The following ANKRD66 variants were observed in gnomAD, a reference collection of about 807,000 sequenced individuals.
The protein encoded by ANKRD66 is ankyrin repeat domain-containing protein 66.
ANKRD66 carries 10 observed loss-of-function variants against 10.9 expected under a neutral mutation model. That is an observed-to-expected ratio of 0.91 (90% confidence interval 0.56 to 1.55). The LOEUF (loss-of-function observed/expected upper bound fraction) is 1.55. ANKRD66 is among the 40% of genes most tolerant of loss of function. The pLI, the probability that ANKRD66 is intolerant of heterozygous loss-of-function variation, is 0.00. For missense variants in ANKRD66, 252 were observed against 242.9 expected (o/e 1.04, Z -0.25); for synonymous variants, 85 against 88.4 (o/e 0.96, Z 0.22).
At chr6:46,750,504 C>T (rs1766246761) in intron 2 of ANKRD66, among the ~76,000 whole-genome samples, 1 of 151,634 alleles carries the variant, frequency 6.6e-6, no homozygotes, top group Non-Finnish European at 1.5e-5. Context: ...TCTGCTTCTG[C>T]ATTCAGTTTG....
At chr6:46,752,226 A>C in intron 3 of ANKRD66, 115 bp downstream of exon 3, 2 of 1,186,936 alleles carry the variant, frequency 1.7e-6, no homozygotes, top group Non-Finnish European at 2.2e-6. Flanking sequence ...CCAGTTGGAA[A>C]CTTCATTTCA....
rs1418566682 is a variant in ANKRD66 at position 46,759,016 on chromosome 6, C to T, written c.*95C>T. On this transcript the variant is annotated 3_prime_UTR_variant, in exon 5 of 5. Coordinates refer to ENST00000565422, the MANE Select transcript of ANKRD66 (RefSeq NM_001162435.3). The stretch of plus-strand genomic sequence containing the variant: ...GCCTTTCCATGACTTTACTCATAGA[C>T]CCTTACCCACCTGGCTTCTGCCCAT... 12 of 1,249,504 alleles carry T rather than the reference C, an allele frequency of 9.6e-6. No individual in the cohort carries two copies. Among genetic ancestry groups the T allele is most frequent in the African/African-American group, 1.5e-5 (1 of 65,530 alleles). The allele number at this position is 1,249,504 out of a possible 1,614,324, so 77.4% of individuals were successfully genotyped here.
intron 4 of ANKRD66, chr6:46,756,776 T>C (rs1224837039): frequency 1.3e-5 from 2 of 152,206 alleles, no homozygotes; most frequent in African/African-American, 2.4e-5. Flanking sequence ...TTCCTGAAAC[T>C]CTTCTCCCTT....
At chr6:46,758,603 A>T (rs1766424366) in intron 4 of ANKRD66, 120 bp from the exon 5 acceptor site, 2 of 933,174 alleles carry the variant, frequency 2.1e-6, no homozygotes, top group Non-Finnish European at 3.0e-6. Flanking sequence ...AAATGCTCAA[A>T]CTTGGCCTCC....
Position 46,752,817 on chromosome 6 carries a change from G to A in ANKRD66, c.163+706G>A, listed in dbSNP as rs541066931. 5.3e-5 allele frequency among the ~76,000 whole-genome samples: 8 copies of A among 152,262 alleles called. No homozygotes were observed. In the South Asian group the frequency reaches 1.0e-3, roughly 20 times the overall value. ...CTTCATTCCTCATTGAATCCCCCAC[G>A]CCTTACATAGCTCAGTTACAGAATT... is the stretch of plus-strand genomic sequence containing the variant. On this transcript the variant is annotated intron_variant, in intron 3 of 4. Transcript: ENST00000565422.
rs1194960247 is a variant in ANKRD66, at chr6:46,749,894, A to G, written c.-96-2A>G. Reference sequence around the variant, plus strand: ...CGTTTACTTTTCTTTCTCTCCCTCCAGGGCTGTTCTCACATTTCAATGCAC... The same window carrying G: ...CGTTTACTTTTCTTTCTCTCCCTCCGGGGCTGTTCTCACATTTCAATGCAC... On this transcript the variant is annotated splice_acceptor_variant, in intron 1 of 4. Coordinates refer to ENST00000565422, the MANE Select transcript of ANKRD66 (RefSeq NM_001162435.3). LOFTEE classifies it low-confidence loss of function (5UTR_SPLICE). The G allele has an allele frequency of 1.3e-6, 2 of 1,550,174 alleles. No individual in the cohort carries two copies. Among genetic ancestry groups the G allele is most frequent in the Middle Eastern group, 1.7e-4 (1 of 5,990 alleles).
At chr6:46,747,699 TTGA>T (rs1766180051) in intron 1 of ANKRD66, among the ~76,000 whole-genome samples, 1 of 152,260 alleles carries the variant, frequency 6.6e-6, no homozygotes, top group African/African-American at 2.4e-5. Flanking sequence ...TATTCATCTA[TTGA>T]TGAACCTTTG....
chr6:46,750,050 A>G lies in ANKRD66; in HGVS notation c.-13+71A>G, dbSNP rs551311407. On this transcript the variant is annotated intron_variant, in intron 2 of 4. Coordinates refer to ENST00000565422, the MANE Select transcript of ANKRD66 (RefSeq NM_001162435.3). ...CCAGGGGCTGCTGCTGCTGCTGGTC[A>G]CAGTTAGTGAAGTTGACTCCAGCTC... 1.6e-4 allele frequency: 131 copies of G among 809,578 alleles called. 1 individual carries two copies. In the East Asian group the frequency reaches 3.5e-3, roughly 22 times the overall value. The allele number at this position is 809,578 out of a possible 1,614,324, so 50.1% of individuals were successfully genotyped here.
chr6:46,758,894 C>G lies in ANKRD66; in HGVS notation c.564C>G (p.Pro188=). 3 of 1,551,126 alleles carry G rather than the reference C, an allele frequency of 1.9e-6. No homozygotes were observed. Among genetic ancestry groups the G allele is most frequent in the Non-Finnish European group, 2.6e-6 (3 of 1,146,728 alleles). ...KNKKSRGPTR[P]SNTKGRRV ...AGAAAAGTCGAGGCCCCACCAGGCC[C>G]AGCAATACCAAGGGGAGGAGAGTAT... Residue 188 remains proline, a synonymous_variant, in exon 5 of 5, where the codon CCC becomes CCG. Transcript: ENST00000565422.
At chr6:46,751,354 G>A (rs1485049062) in intron 2 of ANKRD66, among the ~76,000 whole-genome samples, 1 of 152,204 alleles carries the variant, frequency 6.6e-6, no homozygotes, top group African/African-American at 2.4e-5. Context: ...ACTATAGTTT[G>A]AGAACTGCTA....
At position 46,749,993 on chromosome 6, in the gene ANKRD66, T is replaced by C. The variant is rs2150726158; in HGVS notation, c.-13+14T>C. ...GTTTCAGATTCTGTAAGTCTGGGGC[T>C]GAGCACAATAATTTGCATTTCTAAC... On this transcript the variant is annotated intron_variant, in intron 2 of 4. Transcript: ENST00000565422. 1.5e-6 allele frequency: 2 copies of C among 1,341,758 alleles called. No individual in the cohort carries two copies. Among genetic ancestry groups the C allele is most frequent in the Non-Finnish European group, 2.1e-6 (2 of 956,474 alleles). The allele number at this position is 1,341,758 out of a possible 1,614,324, so 83.1% of individuals were successfully genotyped here.
intron 1 of ANKRD66, 145 bp from the exon 2 acceptor site, chr6:46,749,751 C>T (rs918911683): frequency 2.4e-6 from 2 of 839,150 alleles, no homozygotes; most frequent in African/African-American, 3.5e-5. Context: ...ATGTCTCTGA[C>T]CCATCGCATC....
Position 46,753,716 on chromosome 6 carries a change from T to C in ANKRD66, c.164-6T>C, listed in dbSNP as rs1766314663. 1 of 1,543,340 alleles carries C rather than the reference T, an allele frequency of 6.5e-7. No homozygotes were observed. Among genetic ancestry groups the C allele is most frequent in the Admixed American group, 2.0e-5 (1 of 50,324 alleles). ...CCTCATCCTGTTTCTTTTTGGTACA[T>C]CTAAGGGCAAATGGAGGTGATACGG... On this transcript the variant is annotated splice_region_variant and splice_polypyrimidine_tract_variant and intron_variant, in intron 3 of 4. Coordinates refer to ENST00000565422, the MANE Select transcript of ANKRD66 (RefSeq NM_001162435.3).
chr6:46,757,016 A>G (rs1766399277), intron 4 of ANKRD66: 1 of 152,190 alleles, frequency 6.6e-6, no homozygotes, highest in Admixed American at 6.6e-5. Flanking sequence ...TGATCCCAGC[A>G]TAACTGAAAT....
Position 46,752,259 on chromosome 6 carries a change from G to A in ANKRD66, c.163+148G>A, listed in dbSNP as rs926707527. The A allele has an allele frequency of 7.4e-5, 72 of 970,658 alleles. No homozygotes were observed. The African/African-American group carries it at 1.1e-3, about 15-fold the overall frequency. The allele number at this position is 970,658 out of a possible 1,614,324, so 60.1% of individuals were successfully genotyped here. A position where few individuals can be genotyped will look rare whatever the true frequency, so the allele number is the denominator to read the frequency against. ...TCATTTTTTTTCTTTTTTTGAGACA[G>A]AGTCTCGCTCTGTCATCCAGGCTGG... On this transcript the variant is annotated intron_variant, in intron 3 of 4. Coordinates refer to ENST00000565422, the MANE Select transcript of ANKRD66 (RefSeq NM_001162435.3).
intron 4 of ANKRD66, chr6:46,758,252 A>G (rs1013610091): frequency 3.3e-5 from 5 of 152,792 alleles, no homozygotes; most frequent in Admixed American, 1.3e-4. Context: ...TCCATTTACA[A>G]TTATATGTAT....
rs1009574376 is a variant in ANKRD66 at position 46,758,747 on chromosome 6, C to T, written c.417C>T (p.His139=). The change falls in exon 5 of 5, where the codon CAC becomes CAT. Residue 139 remains histidine (H), a synonymous_variant. Coordinates refer to ENST00000565422, the MANE Select transcript of ANKRD66 (RefSeq NM_001162435.3). ...LEKAEPECQD[H]RCAAQQKGLP... is the part of the protein sequence containing the mutation. ...GGGCAGAGCCCGAGTGCCAGGACCACCGTTGCGCTGCCCAGCAGAAGGGGC... is the reference window on the plus strand; with the variant it reads ...GGGCAGAGCCCGAGTGCCAGGACCATCGTTGCGCTGCCCAGCAGAAGGGGC... The T allele has an allele frequency of 1.9e-6, 3 of 1,550,062 alleles. No homozygotes were observed. The highest frequency in any genetic ancestry group is 1.4e-5 in the African/African-American group (1 of 72,994).
chr6:46,758,176 T>C (rs888699879), intron 4 of ANKRD66: 7 of 152,256 alleles, frequency 4.6e-5, no homozygotes, highest in African/African-American at 1.7e-4. Context: ...CATACAAAAC[T>C]GTATATGTGT....
chr6:46,753,869 A>G lies in ANKRD66; in HGVS notation c.311A>G (p.Asp104Gly). ...KTLHALHAAI[D>G]APDFFGDTPK... ...CTCCATGCATTGCACGCTGCCATCG[A>G]CGCCCCTGACTTCTTTGGAGACACA... The change falls in exon 4 of 5, where the codon GAC becomes GGC. Residue 104 changes from aspartate (D) to glycine (G), a missense_variant. Physicochemically the swap from Asp to Gly is moderately conservative, Grantham distance 94. Coordinates refer to ENST00000565422, the MANE Select transcript of ANKRD66 (RefSeq NM_001162435.3). 1.3e-6 allele frequency: 2 copies of G among 1,551,636 alleles called. No homozygotes were observed. The highest frequency in any genetic ancestry group is 1.7e-6 in the Non-Finnish European group (2 of 1,146,978).
Sources: allele counts gnomAD v4.1 joint callset (sites outside exome capture counted in the v4.1 genomes callset), GRCh38; gene constraint gnomAD v4.1.1; transcripts MANE v1.5; gene names NCBI Gene and HGNC (gene_info 2026-07-23, HGNC 2026-07-21).